Variants in ROR1 observed in about 807,000 individuals in gnomAD.
ROR1 encodes the protein inactive tyrosine-protein kinase transmembrane receptor ROR1.
A neutral mutation model predicts 78.8 loss-of-function variants in ROR1; 19 were observed. The ratio of observed to expected loss-of-function variants is 0.24; its 90% confidence interval spans 0.17 to 0.35. ROR1 has a LOEUF of 0.35. Among genes scored for constraint, ROR1 ranks in the 10% least tolerant of loss-of-function variants. ROR1 has a pLI of 1.00. For missense variants in ROR1, 917 were observed against 1,177.8 expected (o/e 0.78, Z 3.24); for synonymous variants, 386 against 433.6 (o/e 0.89, Z 1.36).
chr1:63,904,773 G>A (rs1316501830), intron 1 of ROR1, among the ~76,000 whole-genome samples: 2 of 152,158 alleles, frequency 1.3e-5, no homozygotes, highest in African/African-American at 4.8e-5. Flanking sequence ...GCGAGGAGAG[G>A]ACAGAAGACA....
chr1:64,136,744 G>A (rs1649116498), intron 4 of ROR1, among the ~76,000 whole-genome samples: 1 of 152,098 alleles, frequency 6.6e-6, no homozygotes, highest in South Asian at 2.1e-4. Context: ...AAGCATGAAA[G>A]CAAACTTTCC....
At chr1:64,037,726 C>A (rs1045111442) in intron 2 of ROR1, among the ~76,000 whole-genome samples, 1 of 152,144 alleles carries the variant, frequency 6.6e-6, no homozygotes, top group African/African-American at 2.4e-5. Flanking sequence ...GGAGGAGGAA[C>A]TTTCCTACCA....
chr1:64,146,821 G>C (rs1440282174), intron 7 of ROR1, among the ~76,000 whole-genome samples: 1 of 152,196 alleles, frequency 6.6e-6, no homozygotes, highest in South Asian at 2.1e-4. Flanking sequence ...TACATCTACA[G>C]GATACCTACT....
At chr1:64,027,350 CT>C (rs1646620691) in intron 2 of ROR1, among the ~76,000 whole-genome samples, 2 of 152,210 alleles carry the variant, frequency 1.3e-5, no homozygotes, top group South Asian at 4.1e-4. Context: ...TCATTTTGCA[CT>C]TTTTTTCTGC....
chr1:64,040,168 T>G (rs1037859638), intron 2 of ROR1, among the ~76,000 whole-genome samples: 1 of 152,064 alleles, frequency 6.6e-6, no homozygotes. Context: ...AAGATGGGGG[T>G]TTAGTTTTTA....
chr1:64,140,474 C>G (rs1437560508), intron 6 of ROR1, 48 bp downstream of exon 6: 1 of 1,557,808 alleles, frequency 6.4e-7, no homozygotes, highest in Non-Finnish European at 8.8e-7. Context: ...GGTCAGCAAC[C>G]TGTTGGCACA....
chr1:64,012,694 C>T (rs12058231), intron 2 of ROR1, among the ~76,000 whole-genome samples: 4,535 of 152,220 alleles, frequency 0.03, 254 homozygotes, highest in African/African-American at 0.1. Flanking sequence ...CATGGAAAAG[C>T]TCATACCTTA....
chr1:63,943,467 C>T (rs965613755), intron 1 of ROR1, among the ~76,000 whole-genome samples: 4 of 152,164 alleles, frequency 2.6e-5, no homozygotes, highest in Admixed American at 6.5e-5. Flanking sequence ...TTAGGAAGTC[C>T]GTAGAGGAAC....
At chr1:63,840,804 G>A (rs1645045161) in intron 1 of ROR1, among the ~76,000 whole-genome samples, 1 of 152,086 alleles carries the variant, frequency 6.6e-6, no homozygotes, top group Non-Finnish European at 1.5e-5. Flanking sequence ...TGGGTGAACC[G>A]GAGTAAGTTA....
chr1:63,876,754 C>T (rs935266942), intron 1 of ROR1, among the ~76,000 whole-genome samples: 4 of 150,400 alleles, frequency 2.7e-5, no homozygotes, highest in African/African-American at 7.3e-5. Context: ...TTCTTTTTGT[C>T]GTTTCAAGGC....
intron 7 of ROR1, among the ~76,000 whole-genome samples, chr1:64,153,940 G>A (rs1434721566): frequency 6.6e-6 from 1 of 152,076 alleles, no homozygotes; most frequent in Non-Finnish European, 1.5e-5. Flanking sequence ...AAAAAGATTA[G>A]CCCAATTCTT....
chr1:63,997,729 A>C (rs1646349360), intron 1 of ROR1, among the ~76,000 whole-genome samples: 1 of 152,040 alleles, frequency 6.6e-6, no homozygotes, highest in South Asian at 2.1e-4. Flanking sequence ...GGGTCGAAAA[A>C]TCATTATTTT....
chr1:64,050,687 C>G lies in ROR1; in HGVS notation c.453C>G (p.Gly151=). The G allele has an allele frequency of 6.2e-7, 1 of 1,612,902 alleles. No individual in the cohort carries two copies. The highest frequency in any genetic ancestry group is 8.5e-7 in the Non-Finnish European group (1 of 1,179,036). ...SSTGVLFVKF[G]PPPTASPGYS... ...TTTGTTTTTCTTTCATTTCTTCAGG[C>G]CCCCCTCCCACTGCAAGTCCAGGAT... The change falls in exon 4 of 9, where the codon GGC becomes GGG. Residue 151 remains glycine (G), a splice_region_variant and synonymous_variant. Transcript: ENST00000371079.
Position 64,026,785 on chromosome 1 carries a change from A to T in ROR1, c.163+17409A>T, listed in dbSNP as rs377021156. 5.9e-5 allele frequency among the ~76,000 whole-genome samples: 9 copies of T among 152,184 alleles called. No homozygotes were observed. The East Asian group carries it at 7.7e-4, about 13-fold the overall frequency. ...CAGATCTCATGAGAACTCCTTCATTATCAGAAGAACAGCATGGGGAACCTC... is the reference window on the plus strand; with the variant it reads ...CAGATCTCATGAGAACTCCTTCATTTTCAGAAGAACAGCATGGGGAACCTC... On this transcript the variant is annotated intron_variant, in intron 2 of 8. Coordinates refer to ENST00000371079, the MANE Select transcript of ROR1 (RefSeq NM_005012.4).
intron 1 of ROR1, among the ~76,000 whole-genome samples, chr1:63,850,092 G>T (rs1480477734): frequency 6.6e-6 from 1 of 152,134 alleles, no homozygotes; most frequent in Non-Finnish European, 1.5e-5. Context: ...ACTAAAAATA[G>T]TGCTTTGCCT....
At chr1:64,011,407 T>A (rs1321983356) in intron 2 of ROR1, among the ~76,000 whole-genome samples, 1 of 152,208 alleles carries the variant, frequency 6.6e-6, no homozygotes, top group Admixed American at 6.5e-5. Context: ...TTCTGCAAGT[T>A]CCTTATGGTG....
intron 1 of ROR1, among the ~76,000 whole-genome samples, chr1:63,912,063 G>C (rs545214731): frequency 1.5e-4 from 23 of 151,188 alleles, no homozygotes; most frequent in Non-Finnish European, 3.2e-4. Flanking sequence ...AAGGTGGAAG[G>C]CTCACTTGAG....
intron 1 of ROR1, among the ~76,000 whole-genome samples, chr1:63,934,508 A>G (rs146753229): frequency 7.0e-4 from 106 of 152,338 alleles, no homozygotes; most frequent in African/African-American, 2.2e-3. Flanking sequence ...CACAAAGGCC[A>G]CATTTTACCC....
chr1:63,884,648 G>A (rs933465781), intron 1 of ROR1, among the ~76,000 whole-genome samples: 30 of 152,062 alleles, frequency 2.0e-4, no homozygotes, highest in African/African-American at 7.0e-4. Flanking sequence ...CAGAAATTCA[G>A]CAAATATTTA....
Sources: allele counts gnomAD v4.1 joint callset (sites outside exome capture counted in the v4.1 genomes callset), GRCh38; gene constraint gnomAD v4.1.1; transcripts MANE v1.5; gene names NCBI Gene and HGNC (gene_info 2026-07-23, HGNC 2026-07-21).